The following MEGF8 variants were observed in gnomAD, a reference collection of about 807,000 sequenced individuals.
MEGF8 encodes multiple EGF like domains 8, also known as multiple epidermal growth factor-like domains protein 8.
In MEGF8, 156 loss-of-function variants were observed where a neutral mutation model predicts 302.9. The ratio of observed to expected loss-of-function variants is 0.52; its 90% CI spans 0.45 to 0.59. MEGF8 has a LOEUF of 0.59. Among genes scored for constraint, MEGF8 ranks in the 20% least tolerant of loss-of-function variants. MEGF8 has a pLI of 0.00. For synonymous variants in MEGF8, 1,621 were observed against 1,660.5 expected (o/e 0.98, Z 0.58); for missense variants, 3,345 against 3,964.5 (o/e 0.84, Z 4.20).
rs759871658 is a variant in MEGF8, at chr19:42,334,054, T to C, written c.399T>C (p.Phe133=). The C allele has an allele frequency of 5.0e-6, 8 of 1,613,872 alleles. No homozygotes were observed. The highest frequency in any genetic ancestry group is 6.8e-6 in the Non-Finnish European group (8 of 1,179,856). Residue 133 remains phenylalanine, a synonymous_variant, in exon 3 of 42, where the codon TTT becomes TTC. Transcript: ENST00000251268. Reference sequence around the variant, plus strand: ...ATGCCAACTACAACCTGCTGGGCTTTAACGCCTCATTCCGCTTCTCCCTGT... The same window carrying C: ...ATGCCAACTACAACCTGCTGGGCTTCAACGCCTCATTCCGCTTCTCCCTGT... ...FSDANYNLLG[F]NASFRFSLCP... is the part of the protein sequence containing the mutation.
chr19:42,363,347 C>G (rs2039560596), intron 35 of MEGF8, 85 bp downstream of exon 35: 1 of 1,141,278 alleles, frequency 8.8e-7, no homozygotes, highest in Admixed American at 2.1e-5. Flanking sequence ...TTTCTTCCAC[C>G]ATCTCCTCCA....
chr19:42,345,851 T>A (rs1013763458), intron 12 of MEGF8, among the ~76,000 whole-genome samples: 22 of 152,228 alleles, frequency 1.4e-4, no homozygotes, highest in Non-Finnish European at 2.9e-4. Flanking sequence ...TCCATATTCA[T>A]CTTATTGAGG....
intron 8 of MEGF8, among the ~76,000 whole-genome samples, chr19:42,337,830 GT>G (rs965038966): frequency 2.0e-5 from 3 of 151,428 alleles, no homozygotes; most frequent in African/African-American, 7.3e-5. Flanking sequence ...TTGAGAGGGA[GT>G]CTCGCTCCGT....
chr19:42,360,724 T>C lies in MEGF8; in HGVS notation c.5489-51T>C, dbSNP rs1452782620. ...TGACTGGCATCATGGTGTGGGTCTC[T>C]TCCTGGAGTCTCCTGCTCTCTATCT... On this transcript the variant is annotated intron_variant, in intron 31 of 41. Transcript: ENST00000251268. 29 of 1,548,116 alleles carry C rather than the reference T, an allele frequency of 1.9e-5. No homozygotes were observed. The East Asian group carries it at 6.3e-4, about 34-fold the overall frequency.
Position 42,375,533 on chromosome 19 carries a change from CG to C in MEGF8, c.7299del (p.Ser2434ValfsTer37). On this transcript the variant is annotated frameshift_variant, in exon 42 of 42. Transcript: ENST00000251268. LOFTEE classifies it high-confidence loss of function. This position sits in a 1 kb window ranked among gnomAD's most constrained non-coding sequence, Gnocchi z 7.1. Reference sequence around the variant, plus strand: ...GCGCCAAGTGCCGGGAATCATTTCACGGGAGTCCGCTGGGCGGCCAGCAGTG... The same window carrying C: ...GCGCCAAGTGCCGGGAATCATTTCACGGAGTCCGCTGGGCGGCCAGCAGTG... The part of the protein sequence containing the change: ...QCAKCRESFH[G>X]SPLGGQQCYR... 1 of 1,589,336 alleles carries C rather than the reference CG, an allele frequency of 6.3e-7. No individual in the cohort carries two copies. The highest frequency in any genetic ancestry group is 8.6e-7 in the Non-Finnish European group (1 of 1,168,874).
rs2039140130 is a variant in MEGF8, at chr19:42,337,173, G to A, written c.1480G>A (p.Gly494Arg). Residue 494 changes from glycine to arginine, a missense_variant, in exon 8 of 42, where the codon GGA becomes AGA. Physicochemically the swap from Gly to Arg is moderately radical, Grantham distance 125 (BLOSUM62 -2). Transcript: ENST00000251268. ...YHLGCHQWVS[G>R]AELAPPGTPE... is the part of the protein sequence containing the mutation. ...CCTTGGCTGCCATCAATGGGTGTCA[G>A]GAGCTGAGCTTGCCCCGCCAGGAAC... The A allele has an allele frequency of 6.2e-7, 1 of 1,613,884 alleles. No individual in the cohort carries two copies. The highest frequency in any genetic ancestry group is 8.5e-7 in the Non-Finnish European group (1 of 1,179,904).
intron 35 of MEGF8, among the ~76,000 whole-genome samples, chr19:42,366,784 C>A (rs996546394): frequency 6.6e-6 from 1 of 152,180 alleles, no homozygotes; most frequent in Non-Finnish European, 1.5e-5. Flanking sequence ...GAGATTACAG[C>A]AGAAAGTGCT....
In MEGF8 at chr19:42,368,709, G is replaced by T; in HGVS notation, c.6481+47G>T. On this transcript the variant is annotated intron_variant, in intron 36 of 41. Transcript: ENST00000251268. This position sits in a 1 kb window ranked among gnomAD's most constrained non-coding sequence, Gnocchi z 4.9. ...GGGGAGAGGGGCTGGCCCTTGGTTG[G>T]GGTCTGATACAGTGAACATAGGGAT... 1 of 1,534,606 alleles carries T rather than the reference G, an allele frequency of 6.5e-7. No individual in the cohort carries two copies.
chr19:42,376,613 T>G lies in MEGF8; in HGVS notation c.8376T>G (p.His2792Gln). 6.5e-7 allele frequency: 1 copy of G among 1,546,888 alleles called. No individual in the cohort carries two copies. Among genetic ancestry groups the G allele is most frequent in the Non-Finnish European group, 8.7e-7 (1 of 1,148,954 alleles). ...TLLLQLPGGP[H>Q]APNGACLGSA... Reference sequence around the variant, plus strand: ...TGCTCCAGCTGCCTGGCGGGCCCCATGCACCCAACGGCGCCTGCCTGGGGT... The same window carrying G: ...TGCTCCAGCTGCCTGGCGGGCCCCAGGCACCCAACGGCGCCTGCCTGGGGT... The change falls in exon 42 of 42, where the codon CAT (histidine) becomes CAG (glutamine). Residue 2792 changes from histidine to glutamine, a missense_variant. By Grantham distance (24) the His-to-Gln change is conservative. Transcript: ENST00000251268. The surrounding 1 kb of genome is among the most constrained non-coding windows in gnomAD (Gnocchi z 8.2).
In MEGF8 at chr19:42,344,606, G is replaced by T; in HGVS notation, c.1933+21G>T. ...GCCTGGTGAGTGTCCGCAGCAGTGG[G>T]CCGGCAGGAGGGGGCCAGAGCACTC... is the stretch of plus-strand genomic sequence containing the variant. On this transcript the variant is annotated intron_variant, in intron 11 of 41. Transcript: ENST00000251268. This position sits in a 1 kb window ranked among gnomAD's most constrained non-coding sequence, Gnocchi z 4.5. 6.3e-7 allele frequency: 1 copy of T among 1,580,490 alleles called. No homozygotes were observed. Among genetic ancestry groups the T allele is most frequent in the Non-Finnish European group, 8.6e-7 (1 of 1,162,044 alleles).
rs1185927737 is a variant in MEGF8 at position 42,368,962 on chromosome 19, G to T, written c.6601G>T (p.Gly2201Cys). The T allele has an allele frequency of 1.2e-6, 2 of 1,613,896 alleles. No homozygotes were observed. Among genetic ancestry groups the T allele is most frequent in the Non-Finnish European group, 1.7e-6 (2 of 1,179,898 alleles). Residue 2201 changes from glycine (G) to cysteine (C), a missense_variant, in exon 37 of 42, where the codon GGC becomes TGC. Coordinates refer to ENST00000251268, the MANE Select transcript of MEGF8 (RefSeq NM_001271938.2). This position sits in a 1 kb window ranked among gnomAD's most constrained non-coding sequence, Gnocchi z 4.9. ...ETQNCHDQPHGYECSCKTGYT... is the reference protein window; with the variant it reads ...ETQNCHDQPHCYECSCKTGYT... ...GCAGAATTGCCACGACCAGCCCCAC[G>T]GCTATGAGTGCAGCTGCAAGACCGG... is the stretch of plus-strand genomic sequence containing the variant.
chr19:42,334,923 C>T, intron 3 of MEGF8, 112 bp from the exon 4 acceptor site: 1 of 1,034,370 alleles, frequency 9.7e-7, no homozygotes, highest in Non-Finnish European at 1.4e-6. Flanking sequence ...TTTCTCTCTC[C>T]CTTTGTGCCC....
chr19:42,350,870 C>T (rs1376001630), intron 15 of MEGF8, among the ~76,000 whole-genome samples: 1 of 152,160 alleles, frequency 6.6e-6, no homozygotes, highest in African/African-American at 2.4e-5. Flanking sequence ...CCCAGAATTG[C>T]ACTTCTGTGG....
In MEGF8 at chr19:42,368,606, G is replaced by A. The variant is rs2039641104; in HGVS notation, c.6425G>A (p.Gly2142Glu). The A allele has an allele frequency of 6.4e-7, 1 of 1,572,630 alleles. No homozygotes were observed. Among genetic ancestry groups the A allele is most frequent in the African/African-American group, 1.4e-5 (1 of 74,064 alleles). ...RRPHCGWCAWGGQDGGGRCME... is the reference protein window; with the variant it reads ...RRPHCGWCAWEGQDGGGRCME... Reference sequence around the variant, plus strand: ...CCCCATTGCGGCTGGTGTGCCTGGGGGGGCCAGGATGGGGGTGGCCGCTGC... The same window carrying A: ...CCCCATTGCGGCTGGTGTGCCTGGGAGGGCCAGGATGGGGGTGGCCGCTGC... Residue 2142 changes from glycine (G) to glutamate (E), a missense_variant, in exon 36 of 42, where the codon GGG (glycine) becomes GAG (glutamate). Gly to Glu is a moderately conservative substitution (Grantham distance 98, BLOSUM62 -2). Transcript: ENST00000251268. The surrounding 1 kb of genome is among the most constrained non-coding windows in gnomAD (Gnocchi z 4.9).
At chr19:42,333,959 C>T (rs1311598927) in intron 2 of MEGF8, 48 bp from the exon 3 acceptor site, 3 of 1,576,998 alleles carry the variant, frequency 1.9e-6, no homozygotes, top group Non-Finnish European at 2.6e-6. Context: ...CCTCCCAGGA[C>T]AATCCCCAGG....
Position 42,370,759 on chromosome 19 carries a change from A to G in MEGF8, c.7064A>G (p.Gln2355Arg), listed in dbSNP as rs2039674876. The G allele has an allele frequency of 4.4e-6, 7 of 1,574,226 alleles. No individual in the cohort carries two copies. Among genetic ancestry groups the G allele is most frequent in the Non-Finnish European group, 6.0e-6 (7 of 1,159,894 alleles). ...SEDEAVCVNC[Q>R]NNSYGEKCES... ...GACGAGGCCGTGTGCGTGAACTGCC[A>G]GAATAACAGCTATGGGGAGAAATGC... The change falls in exon 40 of 42, where the codon CAG becomes CGG. Residue 2355 changes from glutamine (Q) to arginine (R), a missense_variant. Coordinates refer to ENST00000251268, the MANE Select transcript of MEGF8 (RefSeq NM_001271938.2).
At position 42,344,635 on chromosome 19, in the gene MEGF8, A is replaced by G. The variant is rs751713272; in HGVS notation, c.1934-35A>G. ...GCAGGAGGGGGCCAGAGCACTCCACACTGACCCACCGGCCCCCACCCCCTG... is the reference window on the plus strand; with the variant it reads ...GCAGGAGGGGGCCAGAGCACTCCACGCTGACCCACCGGCCCCCACCCCCTG... On this transcript the variant is annotated intron_variant, in intron 11 of 41. Coordinates refer to ENST00000251268, the MANE Select transcript of MEGF8 (RefSeq NM_001271938.2). The surrounding 1 kb of genome is among the most constrained non-coding windows in gnomAD (Gnocchi z 4.5). 6 of 1,566,892 alleles carry G rather than the reference A, an allele frequency of 3.8e-6. No homozygotes were observed. The highest frequency in any genetic ancestry group is 2.3e-5 in the South Asian group (2 of 85,142).
Position 42,333,842 on chromosome 19 carries a change from G to C in MEGF8, c.351+74G>C. 15 of 1,579,964 alleles carry C rather than the reference G, an allele frequency of 9.5e-6. No individual in the cohort carries two copies. In the South Asian group the frequency reaches 1.7e-4, roughly 18 times the overall value. Reference sequence around the variant, plus strand: ...GAAAGGAGGGACAGAGAGTCAGTAAGAGGGCATCCAAGAGCAGAGCACAGG... The same window carrying C: ...GAAAGGAGGGACAGAGAGTCAGTAACAGGGCATCCAAGAGCAGAGCACAGG... On this transcript the variant is annotated intron_variant, in intron 2 of 41. Coordinates refer to ENST00000251268, the MANE Select transcript of MEGF8 (RefSeq NM_001271938.2).
rs2039401665 is a variant in MEGF8, at chr19:42,353,195, T to C, written c.3550+68T>C. The C allele has an allele frequency of 3.5e-6, 5 of 1,421,146 alleles. No homozygotes were observed. The highest frequency in any genetic ancestry group is 4.7e-6 in the Non-Finnish European group (5 of 1,064,500). 88.0% of individuals were successfully genotyped at this position (1,421,146 alleles called of 1,614,324 possible). ...CTCCTCCCTTCTTGGGGCTCCAGTT[T>C]GCTCTTCTTGGAGGGGGCCTCAGTG... On this transcript the variant is annotated intron_variant, in intron 20 of 41. Transcript: ENST00000251268. This position sits in a 1 kb window ranked among gnomAD's most constrained non-coding sequence, Gnocchi z 6.1.
Sources: gnomAD v4.1 joint callset for allele counts (sites outside exome capture counted in the v4.1 genomes callset) on GRCh38, gnomAD v4.1.1 for gene constraint, Gnocchi (gnomAD v3.1) non-coding constraint, MANE v1.5 for transcripts, NCBI Gene and HGNC (gene_info 2026-07-23, HGNC 2026-07-21) for gene names.